The following SPAG16 variants were observed in gnomAD, a reference collection of about 807,000 sequenced individuals.
The protein encoded by SPAG16 is sperm associated antigen 16.
A neutral mutation model predicts 80.4 loss-of-function variants in SPAG16; 86 were observed. The ratio of observed to expected loss-of-function variants is 1.07; its 90% CI spans 0.90 to 1.28. SPAG16 has a LOEUF of 1.28. Among genes scored for constraint, SPAG16 ranks in the 50% most tolerant of loss-of-function variants. The probability of loss-of-function intolerance (pLI) is 0.00; values close to 1 mark genes in which losing one functional copy is unlikely to be tolerated. For missense variants in SPAG16, 870 were observed against 765.3 expected (o/e 1.14, Z -1.61); for synonymous variants, 294 against 265.9 (o/e 1.11, Z -1.03).
chr2:214,308,933 G>A (rs1292362005), intron 15 of SPAG16, among the ~76,000 whole-genome samples: 3 of 152,050 alleles, frequency 2.0e-5, no homozygotes, highest in Non-Finnish European at 4.4e-5. Context: ...GTGTTGCCCT[G>A]TCTAGCTAGG....
intron 9 of SPAG16, among the ~76,000 whole-genome samples, chr2:213,376,644 G>A (rs974915037): frequency 9.2e-5 from 14 of 151,720 alleles, no homozygotes; most frequent in East Asian, 7.7e-4. Context: ...TGACTCCGCC[G>A]TAACAAAGAG....
intron 15 of SPAG16, among the ~76,000 whole-genome samples, chr2:214,352,556 C>CTG (rs71409878): frequency 2.1e-5 from 2 of 96,074 alleles, no homozygotes; most frequent in Non-Finnish European, 3.9e-5. Flanking sequence ...GACTTTTTTT[C>CTG]TCTGTGTGTG....
chr2:214,026,155 G>A (rs540130358), intron 13 of SPAG16, among the ~76,000 whole-genome samples: 7 of 151,472 alleles, frequency 4.6e-5, no homozygotes, highest in East Asian at 1.9e-4. Context: ...CATACTTAGC[G>A]TTACTTTGCC....
At position 213,329,218 on chromosome 2, in the gene SPAG16, G is replaced by A. The variant is rs983846746; in HGVS notation, c.537-10945G>A. Among the ~76,000 whole-genome samples the A allele has an allele frequency of 5.9e-5, 9 of 152,350 alleles. 1 individual carries two copies. In the South Asian group the frequency reaches 1.7e-3, roughly 28 times the overall value. On this transcript the variant is annotated intron_variant, in intron 5 of 15. Transcript: ENST00000331683. ...TGAAAAGATACCAGAAAATGTGAAA[G>A]TGACTTTAGAACTGGGTAACAGGCA...
intron 15 of SPAG16, among the ~76,000 whole-genome samples, chr2:214,289,743 T>G (rs958222813): frequency 1.3e-5 from 2 of 150,014 alleles, no homozygotes; most frequent in Admixed American, 1.3e-4. Flanking sequence ...AATTCTATAA[T>G]TTTTTTTAAT....
intron 12 of SPAG16, among the ~76,000 whole-genome samples, chr2:213,950,702 C>CT (rs59353089): frequency 0.028 from 2,788 of 99,694 alleles, 66 homozygotes; most frequent in Non-Finnish European, 0.044. Flanking sequence ...TTTTTTCTTT[C>CT]TTTTTTTTTT....
At chr2:214,120,364 G>T (rs1404581358) in intron 14 of SPAG16, among the ~76,000 whole-genome samples, 4 of 151,578 alleles carry the variant, frequency 2.6e-5, no homozygotes, top group African/African-American at 7.3e-5. Flanking sequence ...TAGTATTTTA[G>T]ATTCTTTTCA....
At chr2:214,337,825 C>CT (rs1039215498) in intron 15 of SPAG16, among the ~76,000 whole-genome samples, 2 of 152,070 alleles carry the variant, frequency 1.3e-5, no homozygotes, top group Middle Eastern at 3.2e-3. Flanking sequence ...CTTTTATCTT[C>CT]TTTTTTTAGG....
chr2:214,332,614 A>G (rs756164991), intron 15 of SPAG16, among the ~76,000 whole-genome samples: 16 of 152,300 alleles, frequency 1.1e-4, no homozygotes, highest in South Asian at 2.1e-4. Flanking sequence ...CATTAGGGAA[A>G]ATATTTTTTG....
In SPAG16 at chr2:214,141,227, G is replaced by A. The variant is rs544586066; in HGVS notation, c.1594-7913G>A. On this transcript the variant is annotated intron_variant, in intron 14 of 15. Transcript: ENST00000331683. ...CTCATGCCCGTAATCCCAGCACTTT[G>A]GGAGGCCAAGGTAGGTGGATCACAA... 3.8e-3 allele frequency among the ~76,000 whole-genome samples: 571 copies of A among 152,050 alleles called. 3 individuals carry two copies. The highest frequency in any genetic ancestry group is 5.7e-3 in the Non-Finnish European group (388 of 67,964).
chr2:214,366,359 C>T (rs1218209942), intron 15 of SPAG16, among the ~76,000 whole-genome samples: 1 of 152,162 alleles, frequency 6.6e-6, no homozygotes, highest in Middle Eastern at 3.2e-3. Flanking sequence ...AGGTATAGAG[C>T]TTCTACCAGT....
At chr2:213,901,387 A>C (rs955144814) in intron 11 of SPAG16, among the ~76,000 whole-genome samples, 4 of 152,160 alleles carry the variant, frequency 2.6e-5, no homozygotes, top group Non-Finnish European at 4.4e-5. Context: ...ACCCTGGTCC[A>C]TTTTAAGAGT....
At chr2:213,608,051 A>G (rs2061323777) in intron 10 of SPAG16, among the ~76,000 whole-genome samples, 1 of 152,164 alleles carries the variant, frequency 6.6e-6, no homozygotes, top group Non-Finnish European at 1.5e-5. Context: ...TTGAGACAAC[A>G]GGTTCAAATC....
chr2:214,008,395 A>G (rs892673763), intron 12 of SPAG16, among the ~76,000 whole-genome samples: 1 of 151,510 alleles, frequency 6.6e-6, no homozygotes, highest in Non-Finnish European at 1.5e-5. Flanking sequence ...TTTCTTGTGT[A>G]TGGATTACAT....
At chr2:214,403,208 T>C (rs1322642737) in intron 15 of SPAG16, among the ~76,000 whole-genome samples, 1 of 151,690 alleles carries the variant, frequency 6.6e-6, no homozygotes, top group Non-Finnish European at 1.5e-5. Context: ...TAAAGCAGAG[T>C]ATATGCTAGT....
At chr2:214,121,239 G>T (rs1271433721) in intron 14 of SPAG16, among the ~76,000 whole-genome samples, 1 of 151,718 alleles carries the variant, frequency 6.6e-6, no homozygotes, top group Admixed American at 6.6e-5. Flanking sequence ...GCTGAATTCG[G>T]AACAAATATA....
chr2:213,580,266 C>A (rs748927200), intron 10 of SPAG16, among the ~76,000 whole-genome samples: 5 of 152,232 alleles, frequency 3.3e-5, no homozygotes, highest in Non-Finnish European at 7.4e-5. Flanking sequence ...GTCCATCATA[C>A]TTCTCCACAA....
chr2:213,369,982 G>A (rs2066543904), intron 8 of SPAG16, among the ~76,000 whole-genome samples: 1 of 152,126 alleles, frequency 6.6e-6, no homozygotes, highest in Non-Finnish European at 1.5e-5. Context: ...CATTTATGAC[G>A]TGTATCCAAC....
chr2:214,253,146 GTTGT>G (rs1394453210), intron 15 of SPAG16, among the ~76,000 whole-genome samples: 1 of 151,134 alleles, frequency 6.6e-6, no homozygotes, highest in South Asian at 2.1e-4. Context: ...TTTTGATGGA[GTTGT>G]TTATTTTTTT....
Sources: gnomAD v4.1 joint callset for allele counts (sites outside exome capture counted in the v4.1 genomes callset) on GRCh38, gnomAD v4.1.1 for gene constraint, MANE v1.5 for transcripts, NCBI Gene and HGNC (gene_info 2026-07-23, HGNC 2026-07-21) for gene names.